BMPR2: variants seen among roughly 807,000 people sequenced by gnomAD.
BMPR2 encodes bone morphogenetic protein receptor type-2.
In BMPR2, 29 loss-of-function variants were observed where a neutral mutation model predicts 100.8. The observed-to-expected ratio is 0.29, with a 90% CI of 0.21 to 0.39. BMPR2 has a LOEUF of 0.39. Ranked by LOEUF, BMPR2 falls within the 10% of genes least tolerant of loss-of-function variation. BMPR2 has a pLI of 1.00. For synonymous variants in BMPR2, 382 were observed against 442.3 expected, an observed-to-expected ratio of 0.86 and a Z score of 1.71; for missense variants, 1,011 against 1,274.5, an observed-to-expected ratio of 0.79 and a Z score of 3.15.
At chr2:202,551,845 T>C (rs1241870869) in intron 10 of BMPR2, among the ~76,000 whole-genome samples, 1 of 150,326 alleles carries the variant, frequency 6.7e-6, no homozygotes, top group African/African-American at 2.4e-5. Context: ...TACAGATGCA[T>C]ACCACCATGC....
At chr2:202,502,825 A>G (rs536682970) in intron 3 of BMPR2, among the ~76,000 whole-genome samples, 15 of 152,264 alleles carry the variant, frequency 9.9e-5, no homozygotes, top group African/African-American at 3.6e-4. Context: ...AAATCAGACA[A>G]CGCCTTTCAA....
Position 202,376,778 on chromosome 2 carries a change from C to T in BMPR2, c.-697C>T, listed in dbSNP as rs1690155891. On this transcript the variant is annotated 5_prime_UTR_variant, in exon 1 of 13. Transcript: ENST00000374580. ...GGGCCGCGACCGCGACCCCTCCCCT[C>T]CCCCGCTCCTACCTCTCCTCAGCCT... 6.6e-6 allele frequency among the ~76,000 whole-genome samples: 1 copy of T among 151,266 alleles called. No homozygotes were observed. Among genetic ancestry groups the T allele is most frequent in the African/African-American group, 2.4e-5 (1 of 41,218 alleles).
chr2:202,513,415 A>G (rs1574485835), intron 3 of BMPR2, among the ~76,000 whole-genome samples: 1 of 152,328 alleles, frequency 6.6e-6, no homozygotes, highest in East Asian at 1.9e-4. Context: ...GTTAGATTCT[A>G]AGACTCTTGA....
chr2:202,437,417 G>T (rs1574448652), intron 1 of BMPR2, among the ~76,000 whole-genome samples: 1 of 150,510 alleles, frequency 6.6e-6, no homozygotes, highest in South Asian at 2.1e-4. Flanking sequence ...TTATAAAATT[G>T]TTTCCATTCA....
At chr2:202,534,846 C>A (rs1419684780) in intron 9 of BMPR2, among the ~76,000 whole-genome samples, 1 of 144,334 alleles carries the variant, frequency 6.9e-6, no homozygotes, top group Non-Finnish European at 1.5e-5. Flanking sequence ...GCTGGCCAGG[C>A]GGGGGGCTGA....
At chr2:202,540,304 A>C (rs1688247503) in intron 9 of BMPR2, among the ~76,000 whole-genome samples, 1 of 152,192 alleles carries the variant, frequency 6.6e-6, no homozygotes, top group Non-Finnish European at 1.5e-5. Context: ...GAGACAGATC[A>C]GATACATTAG....
At chr2:202,476,416 T>C (rs995094718) in intron 3 of BMPR2, among the ~76,000 whole-genome samples, 7 of 152,192 alleles carry the variant, frequency 4.6e-5, no homozygotes, top group Admixed American at 4.6e-4. Context: ...AATAGAGTCA[T>C]AGATACATGG....
chr2:202,471,793 G>T (rs1317604488), intron 3 of BMPR2, among the ~76,000 whole-genome samples: 2 of 152,270 alleles, frequency 1.3e-5, no homozygotes, highest in Admixed American at 6.5e-5. Flanking sequence ...AATGTTAAAT[G>T]TGCTGAAGCT....
At chr2:202,466,950 C>A in intron 2 of BMPR2, 1 of 158,248 alleles carries the variant, frequency 6.3e-6, no homozygotes, top group Non-Finnish European at 1.4e-5. Context: ...AAAATGAAAC[C>A]TTACTCTTGC....
At chr2:202,504,678 CT>C (rs144161668) in intron 3 of BMPR2, among the ~76,000 whole-genome samples, 22,107 of 112,368 alleles carry the variant, frequency 0.2, 1,304 homozygotes, top group South Asian at 0.28. Flanking sequence ...ATAGTAGATT[CT>C]TTTTTTTTTT....
At chr2:202,435,634 A>G (rs1455057070) in intron 1 of BMPR2, among the ~76,000 whole-genome samples, 1 of 149,864 alleles carries the variant, frequency 6.7e-6, no homozygotes, top group East Asian at 1.9e-4. Context: ...AGGCCTTCAC[A>G]TTCACTTACC....
chr2:202,417,826 C>T lies in BMPR2; in HGVS notation c.76+40276C>T, dbSNP rs372715928. On this transcript the variant is annotated intron_variant, in intron 1 of 12. Transcript: ENST00000374580. Reference sequence around the variant, plus strand: ...CTCTGCCTTCTGGGTTCATGCCATTCTTCCGCCTCAGCCTCCCCAGTGGCT... The same window carrying T: ...CTCTGCCTTCTGGGTTCATGCCATTTTTCCGCCTCAGCCTCCCCAGTGGCT... Among the ~76,000 whole-genome samples the T allele has an allele frequency of 5.3e-5, 8 of 151,730 alleles. No homozygotes were observed. The South Asian group carries it at 1.7e-3, about 32-fold the overall frequency.
At chr2:202,551,455 C>T (rs529616032) in intron 10 of BMPR2, among the ~76,000 whole-genome samples, 5 of 151,890 alleles carry the variant, frequency 3.3e-5, no homozygotes, top group Admixed American at 6.5e-5. Flanking sequence ...ACCCGGGAGG[C>T]GGAAGTTGCA....
At chr2:202,475,023 C>G (rs1440707944) in intron 3 of BMPR2, 1 of 152,086 alleles carries the variant, frequency 6.6e-6, no homozygotes, top group Non-Finnish European at 1.5e-5. Context: ...TAGAATGTTT[C>G]TTTCCAGTCT....
chr2:202,561,707 T>C lies in BMPR2; in HGVS notation c.*1761T>C, dbSNP rs1419165259. Reference sequence around the variant, plus strand: ...CAATATTTTCTCACTCATATTCCTCTATCTTATCACTTAGCTAAAGACAGC... The same window carrying C: ...CAATATTTTCTCACTCATATTCCTCCATCTTATCACTTAGCTAAAGACAGC... On this transcript the variant is annotated 3_prime_UTR_variant, in exon 13 of 13. Transcript: ENST00000374580. The C allele has an allele frequency of 6.6e-6, 1 of 152,208 alleles. No individual in the cohort carries two copies. The highest frequency in any genetic ancestry group is 2.4e-5 in the African/African-American group (1 of 41,468). 9.4% of individuals were successfully genotyped at this position (152,208 alleles called of 1,614,324 possible). A position where few individuals can be genotyped will look rare whatever the true frequency, so the allele number is the denominator to read the frequency against.
At chr2:202,383,362 C>T (rs13394159) in intron 1 of BMPR2, among the ~76,000 whole-genome samples, 7,436 of 152,162 alleles carry the variant, frequency 0.049, 610 homozygotes, top group African/African-American at 0.17. Context: ...GCCTGACTAA[C>T]GTGGTGAAAC....
At position 202,383,040 on chromosome 2, in the gene BMPR2, T is replaced by TA. The variant is rs1029489668; in HGVS notation, c.76+5492dup. On this transcript the variant is annotated intron_variant, in intron 1 of 12. Transcript: ENST00000374580. ...TCTACTTTTTGTGGTAATTACTACT[T>TA]AATCTATATCTTTTATTGCTTAATC... 9.1e-4 allele frequency among the ~76,000 whole-genome samples: 139 copies of TA among 152,352 alleles called. 1 individual carries two copies. The highest frequency in any genetic ancestry group is 3.1e-3 in the African/African-American group (131 of 41,588).
chr2:202,534,709 CT>C (rs1688096975), intron 9 of BMPR2, among the ~76,000 whole-genome samples: 1 of 151,596 alleles, frequency 6.6e-6, no homozygotes, highest in Non-Finnish European at 1.5e-5. Context: ...TTTTCCCCAC[CT>C]TTCCCGCCTT....
chr2:202,510,358 A>C (rs1277040196), intron 3 of BMPR2, among the ~76,000 whole-genome samples: 2 of 152,252 alleles, frequency 1.3e-5, no homozygotes, highest in Non-Finnish European at 2.9e-5. Flanking sequence ...CGGAGGTTGC[A>C]GTGAGCTGAG....
Sources: gnomAD v4.1 joint callset for allele counts (sites outside exome capture counted in the v4.1 genomes callset) on GRCh38, gnomAD v4.1.1 for gene constraint, MANE v1.5 for transcripts, NCBI Gene and HGNC (gene_info 2026-07-23, HGNC 2026-07-21) for gene names.